The following IARS2 variants were observed in gnomAD, a reference collection of about 807,000 sequenced individuals.
IARS2 encodes isoleucine--tRNA ligase, mitochondrial.
Under a neutral mutation model 126.3 loss-of-function variants are expected in IARS2, and 56 were observed. The observed-to-expected ratio is 0.44, with a 90% confidence interval of 0.36 to 0.55. The LOEUF is 0.55. IARS2 is among the 20% of genes least tolerant of loss of function. The pLI is 0.00. For missense variants in IARS2, 1,127 were observed against 1,245.9 expected, an observed-to-expected ratio of 0.90 and a Z score of 1.44; for synonymous variants, 407 against 441.1, an observed-to-expected ratio of 0.92 and a Z score of 0.97.
At chr1:220,097,294 AC>A (rs764172540) in intron 2 of IARS2, among the ~76,000 whole-genome samples, 8 of 149,016 alleles carry the variant, frequency 5.4e-5, no homozygotes, top group Non-Finnish European at 1.0e-4. Context: ...CCCACCCCAG[AC>A]CCCCAGCACA....
At position 220,094,143 on chromosome 1, in the gene IARS2, C is replaced by T. The variant is rs567351340; in HGVS notation, c.-74C>T. ...GCGTGCGCCCTCTTACTCGGCTCCC[C>T]TTGGTTTCCTGGGGTCCTGCCCCTT... On this transcript the variant is annotated 5_prime_UTR_variant, in exon 1 of 23. Transcript: ENST00000366922. 4.5e-5 allele frequency: 64 copies of T among 1,415,810 alleles called. No homozygotes were observed. The highest frequency in any genetic ancestry group is 2.7e-4 in the Middle Eastern group (1 of 3,756). The allele number at this position is 1,415,810 out of a possible 1,614,324, so 87.7% of individuals were successfully genotyped here.
At chr1:220,126,126 AAAAG>A (rs1657151895) in intron 13 of IARS2, among the ~76,000 whole-genome samples, 1 of 150,920 alleles carries the variant, frequency 6.6e-6, no homozygotes, top group Non-Finnish European at 1.5e-5. Context: ...AAAAAAAAGA[AAAAG>A]AAAAAGCCAC....
At position 220,134,427 on chromosome 1, in the gene IARS2, CT is replaced by C. The variant is rs1166865127; in HGVS notation, c.1865del (p.Leu622TrpfsTer16). 6.2e-7 allele frequency: 1 copy of C among 1,610,608 alleles called. No individual in the cohort carries two copies. The highest frequency in any genetic ancestry group is 1.3e-5 in the African/African-American group (1 of 74,608). ...GTCCTGACCAAAGAGCAGATTTGTA[CT>C]TGGAAGGAAAAGACCAGCTCGGGGG... ...PGPDQRADLYLEGKDQLGGWF... is the reference protein window; with the variant it reads ...PGPDQRADLYXEGKDQLGGWF... On this transcript the variant is annotated frameshift_variant, in exon 15 of 23. Coordinates refer to ENST00000366922, the MANE Select transcript of IARS2 (RefSeq NM_018060.4). LOFTEE classifies it high-confidence loss of function.
intron 22 of IARS2, 50 bp downstream of exon 22, chr1:220,145,703 A>G (rs1470996309): frequency 3.3e-6 from 5 of 1,495,676 alleles, no homozygotes; most frequent in Non-Finnish European, 4.6e-6. Flanking sequence ...TTGAATAATT[A>G]TAGGTCATCT....
At chr1:220,134,766 TTG>T (rs1558129946) in intron 15 of IARS2, 37 of 233,372 alleles carry the variant, frequency 1.6e-4, no homozygotes, top group Middle Eastern at 1.4e-3. Flanking sequence ...TTTGTTGTTG[TTG>T]TTTTTTTTTT....
At chr1:220,138,269 G>A (rs1657419866) in intron 17 of IARS2, among the ~76,000 whole-genome samples, 1 of 152,050 alleles carries the variant, frequency 6.6e-6, no homozygotes, top group African/African-American at 2.4e-5. Flanking sequence ...TCAGGAGTTC[G>A]AGACTAGCCT....
intron 20 of IARS2, 60 bp from the exon 21 acceptor site, chr1:220,142,884 G>C (rs1451391212): frequency 8.5e-7 from 1 of 1,181,904 alleles, no homozygotes; most frequent in East Asian, 2.4e-5. Flanking sequence ...TTAATGGTTA[G>C]AGCTTCATAT....
At chr1:220,134,307 C>T in intron 14 of IARS2, 95 bp from the exon 15 acceptor site, 1 of 822,656 alleles carries the variant, frequency 1.2e-6, no homozygotes, top group Non-Finnish European at 1.8e-6. Flanking sequence ...TACTTCCCTT[C>T]CTCCCCACTA....
Position 220,140,174 on chromosome 1 carries a change from G to T in IARS2, c.2308-9G>T. On this transcript the variant is annotated splice_polypyrimidine_tract_variant and intron_variant, in intron 18 of 22. Coordinates refer to ENST00000366922, the MANE Select transcript of IARS2 (RefSeq NM_018060.4). ...CAGCTTCCAAATTTATTTTGGCTTT[G>T]TTCCCTAGATTACCGAATTATACAA... The T allele has an allele frequency of 6.4e-7, 1 of 1,560,572 alleles. No homozygotes were observed. The highest frequency in any genetic ancestry group is 1.1e-5 in the South Asian group (1 of 89,784).
intron 16 of IARS2, among the ~76,000 whole-genome samples, 197 bp downstream of exon 16, chr1:220,137,108 G>C (rs981095308): frequency 2.6e-4 from 39 of 152,284 alleles, no homozygotes; most frequent in African/African-American, 9.4e-4. Flanking sequence ...TCTCCAGTTA[G>C]GTCCCAAACC....
chr1:220,130,331 G>A (rs560315916), intron 14 of IARS2, among the ~76,000 whole-genome samples: 89 of 152,240 alleles, frequency 5.8e-4, no homozygotes, highest in African/African-American at 6.7e-4. Flanking sequence ...TCTCTTCACT[G>A]TGTTGTTTCC....
chr1:220,095,065 C>G (rs1000934206), intron 1 of IARS2, among the ~76,000 whole-genome samples: 2 of 152,038 alleles, frequency 1.3e-5, no homozygotes, highest in African/African-American at 4.8e-5. Flanking sequence ...GGAATTATGA[C>G]TCGTTTGAAG....
intron 2 of IARS2, 86 bp downstream of exon 2, chr1:220,096,312 T>G (rs1656437797): frequency 1.1e-6 from 1 of 875,566 alleles, no homozygotes; most frequent in African/African-American, 1.7e-5. Context: ...ATATGATAAT[T>G]ATGTAAATTT....
rs753513419 is a variant in IARS2, at chr1:220,110,836, G to T, written c.1378G>T (p.Val460Leu). The T allele has an allele frequency of 1.9e-6, 3 of 1,612,832 alleles. No homozygotes were observed. The highest frequency in any genetic ancestry group is 2.5e-6 in the Non-Finnish European group (3 of 1,179,026). The change falls in exon 11 of 23, where the codon GTG (valine) becomes TTG (leucine). Residue 460 changes from valine (V) to leucine (L), a missense_variant. Coordinates refer to ENST00000366922, the MANE Select transcript of IARS2 (RefSeq NM_018060.4). ...GAATTTGTTGAAAGAGGAGAAATTG[G>T]TGCATAGCTATCCGTATGACTGGAG... The part of the protein sequence containing the change: ...AKNLLKEEKL[V>L]HSYPYDWRTK...
At position 220,126,862 on chromosome 1, in the gene IARS2, T is replaced by A; in HGVS notation, c.1837+19T>A. 6.5e-7 allele frequency: 1 copy of A among 1,534,492 alleles called. No individual in the cohort carries two copies. The highest frequency in any genetic ancestry group is 8.9e-7 in the Non-Finnish European group (1 of 1,119,784). On this transcript the variant is annotated intron_variant, in intron 14 of 22. Coordinates refer to ENST00000366922, the MANE Select transcript of IARS2 (RefSeq NM_018060.4). The stretch of plus-strand genomic sequence containing the variant: ...CTTCCAGGTAATTCTTAAAAATAGA[T>A]ATATGCCGATCAAGAAGTTTTGAAA...
intron 8 of IARS2, 78 bp from the exon 9 acceptor site, chr1:220,105,813 T>C: frequency 1.6e-6 from 2 of 1,235,850 alleles, no homozygotes; most frequent in Non-Finnish European, 1.2e-6. Context: ...ACATTTAACC[T>C]GATACTCTAT....
intron 14 of IARS2, among the ~76,000 whole-genome samples, chr1:220,128,089 TTA>T (rs1487927608): frequency 1.3e-5 from 2 of 152,260 alleles, no homozygotes; most frequent in Admixed American, 1.3e-4. Context: ...ACAGGTCTAC[TTA>T]TATGCAATTT....
At chr1:220,143,604 A>G (rs932595161) in intron 21 of IARS2, among the ~76,000 whole-genome samples, 8 of 152,180 alleles carry the variant, frequency 5.3e-5, no homozygotes, top group African/African-American at 1.9e-4. Flanking sequence ...TTGAATGTAT[A>G]AAAAATGGGA....
At chr1:220,115,505 A>T (rs1376381129) in intron 12 of IARS2, among the ~76,000 whole-genome samples, 4 of 152,130 alleles carry the variant, frequency 2.6e-5, no homozygotes, top group African/African-American at 9.7e-5. Flanking sequence ...GGTTGCAGTG[A>T]GCCAAGATCG....
Sources: gnomAD v4.1 joint callset for allele counts (sites outside exome capture counted in the v4.1 genomes callset) on GRCh38, gnomAD v4.1.1 for gene constraint, MANE v1.5 for transcripts, NCBI Gene and HGNC (gene_info 2026-07-23, HGNC 2026-07-21) for gene names.